POU2F3: variants seen among roughly 807,000 people sequenced by gnomAD.
The protein encoded by POU2F3 is POU class 2 homeobox 3.
A neutral mutation model predicts 59.2 loss-of-function variants in POU2F3; 23 were observed. That is an observed-to-expected ratio of 0.39 (90% CI 0.28 to 0.55). The LOEUF (loss-of-function observed/expected upper bound fraction) is 0.55. Ranked by LOEUF, POU2F3 falls within the 20% of genes least tolerant of loss-of-function variation. The pLI is 0.66. For missense variants in POU2F3, 473 were observed against 544.5 expected (o/e 0.87, Z 1.31); for synonymous variants, 190 against 214.6 (o/e 0.89, Z 1.00).
intron 1 of POU2F3, among the ~76,000 whole-genome samples, chr11:120,245,612 T>C (rs1938837129): frequency 6.6e-6 from 1 of 152,208 alleles, no homozygotes; most frequent in African/African-American, 2.4e-5. Flanking sequence ...TTCTTCCCCC[T>C]GCTGACCCCA....
chr11:120,240,937 G>A (rs1057188183), intron 1 of POU2F3, among the ~76,000 whole-genome samples: 5 of 152,188 alleles, frequency 3.3e-5, no homozygotes, highest in African/African-American at 1.2e-4. Flanking sequence ...CATCCTCTGG[G>A]TTCCATGTCC....
At chr11:120,265,602 G>A (rs1236163899) in intron 2 of POU2F3, among the ~76,000 whole-genome samples, 1 of 152,246 alleles carries the variant, frequency 6.6e-6, no homozygotes, top group African/African-American at 2.4e-5. Context: ...AGAAATGGTT[G>A]ATTGTGTTGG....
At chr11:120,271,141 G>C (rs796846492) in intron 3 of POU2F3, among the ~76,000 whole-genome samples, 13 of 152,314 alleles carry the variant, frequency 8.5e-5, no homozygotes, top group African/African-American at 3.1e-4. Context: ...TGGGGAGTTT[G>C]CTAACAAATG....
At chr11:120,290,767 C>G (rs1940991027) in intron 3 of POU2F3, among the ~76,000 whole-genome samples, 1 of 152,240 alleles carries the variant, frequency 6.6e-6, no homozygotes, top group South Asian at 2.1e-4. Flanking sequence ...GCTCCTGTAA[C>G]TAATCTGTGT....
chr11:120,269,341 G>T, intron 3 of POU2F3, 97 bp downstream of exon 3: 2 of 1,090,782 alleles, frequency 1.8e-6, no homozygotes, highest in Non-Finnish European at 2.7e-6. Flanking sequence ...GTACAGTTTG[G>T]GGGTGTTTAT....
At chr11:120,258,010 T>C (rs536058506) in intron 2 of POU2F3, among the ~76,000 whole-genome samples, 8 of 152,302 alleles carry the variant, frequency 5.3e-5, no homozygotes, top group Middle Eastern at 3.4e-3. Flanking sequence ...GAGGAATGAA[T>C]GAAATGAGTC....
At chr11:120,259,115 G>A (rs1438086422) in intron 2 of POU2F3, 1 of 152,352 alleles carries the variant, frequency 6.6e-6, no homozygotes, top group African/African-American at 2.4e-5. Flanking sequence ...GTATCTGTGG[G>A]ACCGGCCTGG....
chr11:120,253,079 C>T (rs1011723068), intron 2 of POU2F3, among the ~76,000 whole-genome samples: 1 of 152,122 alleles, frequency 6.6e-6, no homozygotes, highest in Non-Finnish European at 1.5e-5. Context: ...GCTTCTCAAA[C>T]AGTCTGGGAG....
At chr11:120,243,820 C>T (rs1215832113) in intron 1 of POU2F3, among the ~76,000 whole-genome samples, 2 of 152,200 alleles carry the variant, frequency 1.3e-5, no homozygotes, top group Admixed American at 1.3e-4. Context: ...CCCTGCCCCT[C>T]CAATCCTGAA....
chr11:120,278,232 A>T (rs756357000), intron 3 of POU2F3, among the ~76,000 whole-genome samples: 2 of 152,246 alleles, frequency 1.3e-5, no homozygotes, highest in Non-Finnish European at 2.9e-5. Flanking sequence ...TCATATAAAA[A>T]GTTGTATGGG....
At chr11:120,270,186 T>C (rs1186262357) in intron 3 of POU2F3, among the ~76,000 whole-genome samples, 1 of 152,194 alleles carries the variant, frequency 6.6e-6, no homozygotes, top group East Asian at 1.9e-4. Context: ...ATTAATTTAT[T>C]CCATAAATTT....
chr11:120,265,504 C>G (rs1347878153), intron 2 of POU2F3: 1 of 152,286 alleles, frequency 6.6e-6, no homozygotes, highest in Non-Finnish European at 1.5e-5. Context: ...GAAGGGGAAA[C>G]TCCATCATCA....
intron 3 of POU2F3, among the ~76,000 whole-genome samples, chr11:120,269,965 T>C (rs1939992552): frequency 6.6e-6 from 1 of 151,868 alleles, no homozygotes; most frequent in Non-Finnish European, 1.5e-5. Context: ...CAGAAGCAGA[T>C]GGCGGGAGTG....
intron 9 of POU2F3, among the ~76,000 whole-genome samples, chr11:120,308,380 G>A (rs1171960302): frequency 2.0e-5 from 3 of 152,132 alleles, no homozygotes; most frequent in Non-Finnish European, 2.9e-5. Flanking sequence ...CAGATTCCTC[G>A]CACATTTAGC....
chr11:120,237,724 T>A (rs1449765440), upstream of POU2F3, among the ~76,000 whole-genome samples: 1 of 151,964 alleles, frequency 6.6e-6, no homozygotes, highest in African/African-American at 2.4e-5. Flanking sequence ...GTGCAGGCAT[T>A]TTTCCAGAAT....
Position 120,240,339 on chromosome 11 carries a change from G to T in POU2F3, c.-5G>T, listed in dbSNP as rs774405543. The T allele has an allele frequency of 1.4e-6, 2 of 1,410,740 alleles. No individual in the cohort carries two copies. Among genetic ancestry groups the T allele is most frequent in the Admixed American group, 4.6e-5 (2 of 43,152 alleles). 87.4% of individuals were successfully genotyped at this position (1,410,740 alleles called of 1,614,324 possible). A position where few individuals can be genotyped will look rare whatever the true frequency, so the allele number is the denominator to read the frequency against. ...GGCGCTGGCTTTGGCCCCGCCTGGG[G>T]CAGGATGGTGAATCTGGAGTCCATG... On this transcript the variant is annotated 5_prime_UTR_variant, in exon 1 of 13. Transcript: ENST00000543440.
At chr11:120,283,918 G>A (rs1275824611) in intron 3 of POU2F3, among the ~76,000 whole-genome samples, 1 of 145,952 alleles carries the variant, frequency 6.9e-6, no homozygotes, top group Non-Finnish European at 1.5e-5. Flanking sequence ...GGTGCATTCA[G>A]TAAGTGTGTT....
chr11:120,269,135 T>A, intron 2 of POU2F3, 75 bp from the exon 3 acceptor site: 1 of 1,209,662 alleles, frequency 8.3e-7, no homozygotes, highest in South Asian at 1.3e-5. Flanking sequence ...CCTCTCAACA[T>A]CCTAGTTTTT....
At chr11:120,274,031 AAAGAG>A (rs897626826) in intron 3 of POU2F3, among the ~76,000 whole-genome samples, 3 of 151,728 alleles carry the variant, frequency 2.0e-5, no homozygotes, top group South Asian at 2.1e-4. Context: ...AAAAGAAAAA[AAAGAG>A]AGAGAGAGAA....
Sources: allele counts gnomAD v4.1 joint callset (sites outside exome capture counted in the v4.1 genomes callset), GRCh38; gene constraint gnomAD v4.1.1; transcripts MANE v1.5; gene names NCBI Gene and HGNC (gene_info 2026-07-23, HGNC 2026-07-21).